SLC35F1: variants seen among roughly 807,000 people sequenced by gnomAD.
SLC35F1 encodes the protein solute carrier family 35 member F1, also known as chromosome 6 open reading frame 169.
SLC35F1 carries 14 observed loss-of-function variants against 48.7 expected under a neutral mutation model. That is an observed-to-expected ratio of 0.29 (90% CI 0.19 to 0.45). SLC35F1 has a LOEUF of 0.45. Ranked by LOEUF, SLC35F1 falls within the 20% of genes least tolerant of loss-of-function variation. SLC35F1 has a pLI of 1.00. For synonymous variants in SLC35F1, 190 were observed against 202.2 expected, an observed-to-expected ratio of 0.94 and a Z score of 0.51; for missense variants, 404 against 500.0, an observed-to-expected ratio of 0.81 and a Z score of 1.83.
At chr6:118,008,418 C>T (rs1777203613) in intron 1 of SLC35F1, among the ~76,000 whole-genome samples, 1 of 152,128 alleles carries the variant, frequency 6.6e-6, no homozygotes, top group Non-Finnish European at 1.5e-5. Context: ...CATGCCCATG[C>T]ATGACATTGA....
intron 3 of SLC35F1, among the ~76,000 whole-genome samples, chr6:118,242,830 C>G (rs951409529): frequency 1.3e-5 from 2 of 152,154 alleles, no homozygotes; most frequent in African/African-American, 4.8e-5. Context: ...TTAAAATTCA[C>G]TCACGTTGGG....
chr6:118,190,696 G>T (rs1195106465), intron 2 of SLC35F1, among the ~76,000 whole-genome samples: 3 of 152,088 alleles, frequency 2.0e-5, no homozygotes, highest in African/African-American at 7.2e-5. Flanking sequence ...CGCACCAGGG[G>T]TTCTACTATT....
At chr6:118,123,614 C>T (rs1327125108) in intron 1 of SLC35F1, among the ~76,000 whole-genome samples, 1 of 152,160 alleles carries the variant, frequency 6.6e-6, no homozygotes, top group African/African-American at 2.4e-5. Context: ...TCTCTGCAAC[C>T]TTTGATCTTC....
At chr6:118,083,814 C>T (rs1186472975) in intron 1 of SLC35F1, among the ~76,000 whole-genome samples, 2 of 152,176 alleles carry the variant, frequency 1.3e-5, no homozygotes, top group Non-Finnish European at 2.9e-5. Flanking sequence ...ATTGTTGCCA[C>T]TTCAAATTAT....
At chr6:117,963,010 T>G (rs1290824710) in intron 1 of SLC35F1, among the ~76,000 whole-genome samples, 1 of 152,028 alleles carries the variant, frequency 6.6e-6, no homozygotes, top group East Asian at 1.9e-4. Context: ...CCTTATGCTG[T>G]GGTGTGTTCG....
At chr6:118,177,684 G>C (rs1425828047) in intron 2 of SLC35F1, among the ~76,000 whole-genome samples, 2 of 151,504 alleles carry the variant, frequency 1.3e-5, no homozygotes, top group African/African-American at 2.4e-5. Context: ...TCTTAGTTTT[G>C]TTTTAAAAAA....
At chr6:118,191,187 G>A (rs1355749778) in intron 2 of SLC35F1, among the ~76,000 whole-genome samples, 1 of 152,136 alleles carries the variant, frequency 6.6e-6, no homozygotes, top group Non-Finnish European at 1.5e-5. Context: ...TACTGATTAT[G>A]CGGCGACATA....
At position 118,262,906 on chromosome 6, in the gene SLC35F1, A is replaced by G. The variant is rs73512529; in HGVS notation, c.478-4089A>G. Among the ~76,000 whole-genome samples the G allele has an allele frequency of 9.9e-3, 1,512 of 152,188 alleles. 27 individuals carry two copies. The highest frequency in any genetic ancestry group is 0.035 in the African/African-American group (1,438 of 41,546). ...GATTGAGGCGAGCCTGGGCAATATA[A>G]TGAGACCCCATCTCTATTTAGAAAA... is the stretch of plus-strand genomic sequence containing the variant. On this transcript the variant is annotated intron_variant, in intron 3 of 7. Transcript: ENST00000360388.
chr6:118,266,889 G>A, intron 3 of SLC35F1, 106 bp from the exon 4 acceptor site: 1 of 1,268,708 alleles, frequency 7.9e-7, no homozygotes. Context: ...CTCAGGTTCA[G>A]GGGAAAGGCA....
intron 1 of SLC35F1, among the ~76,000 whole-genome samples, chr6:118,004,756 T>G (rs1234415021): frequency 6.6e-6 from 1 of 151,934 alleles, no homozygotes; most frequent in Non-Finnish European, 1.5e-5. Context: ...AGAGATGAAG[T>G]CTTGATATTT....
chr6:118,206,316 G>T (rs868142657), intron 2 of SLC35F1, among the ~76,000 whole-genome samples: 23 of 152,142 alleles, frequency 1.5e-4, no homozygotes, highest in Non-Finnish European at 2.8e-4. Flanking sequence ...ATGTTAACAT[G>T]CTATCTTTAG....
At chr6:117,937,787 C>A (rs999897344) in intron 1 of SLC35F1, among the ~76,000 whole-genome samples, 1 of 152,178 alleles carries the variant, frequency 6.6e-6, no homozygotes, top group Non-Finnish European at 1.5e-5. Flanking sequence ...TTGAGCTGTT[C>A]GAACTCAGAA....
chr6:118,019,346 A>G (rs1047005174), intron 1 of SLC35F1, among the ~76,000 whole-genome samples: 21 of 152,150 alleles, frequency 1.4e-4, no homozygotes, highest in African/African-American at 4.6e-4. Context: ...TGCATCTTCT[A>G]TGTAAGTGTG....
At chr6:118,150,976 T>C (rs558858878) in intron 1 of SLC35F1, among the ~76,000 whole-genome samples, 1 of 152,162 alleles carries the variant, frequency 6.6e-6, no homozygotes, top group Non-Finnish European at 1.5e-5. Flanking sequence ...ACGGCTGTTA[T>C]TCTCCACTCA....
At chr6:117,944,586 T>C (rs9489287) in intron 1 of SLC35F1, among the ~76,000 whole-genome samples, 21 of 146,376 alleles carry the variant, frequency 1.4e-4, no homozygotes, top group Admixed American at 3.4e-4. Context: ...AACACACACA[T>C]ACACATACAC....
At chr6:117,975,686 T>C (rs1028892161) in intron 1 of SLC35F1, among the ~76,000 whole-genome samples, 5 of 152,222 alleles carry the variant, frequency 3.3e-5, no homozygotes, top group Non-Finnish European at 7.3e-5. Context: ...AAAAGGGAAC[T>C]TATTCTGTTC....
chr6:118,291,242 TAC>T (rs10603708), intron 7 of SLC35F1, among the ~76,000 whole-genome samples: 12,245 of 147,930 alleles, frequency 0.083, 715 homozygotes, highest in East Asian at 0.22. Flanking sequence ...GTATCATGTA[TAC>T]ACACACACAC....
chr6:118,297,390 A>G (rs1163958195), intron 7 of SLC35F1, among the ~76,000 whole-genome samples: 3 of 152,062 alleles, frequency 2.0e-5, no homozygotes, highest in Non-Finnish European at 4.4e-5. Flanking sequence ...ATGGTTGTAC[A>G]GGCTGCACAC....
chr6:118,255,423 G>A (rs1185861299), intron 3 of SLC35F1, among the ~76,000 whole-genome samples: 1 of 152,154 alleles, frequency 6.6e-6, no homozygotes, highest in African/African-American at 2.4e-5. Context: ...GATGATACCC[G>A]ATGATCCTCA....
Sources: allele counts gnomAD v4.1 joint callset (sites outside exome capture counted in the v4.1 genomes callset), GRCh38; gene constraint gnomAD v4.1.1; transcripts MANE v1.5; gene names NCBI Gene and HGNC (gene_info 2026-07-23, HGNC 2026-07-21).